Variants in SLC4A7 observed in about 807,000 individuals in gnomAD.
SLC4A7 encodes the protein sodium bicarbonate cotransporter 3.
Under a neutral mutation model 137.6 loss-of-function variants are expected in SLC4A7, and 51 were observed. That is an observed-to-expected ratio of 0.37 (90% CI 0.30 to 0.47). The LOEUF is 0.47. SLC4A7 is among the 20% of genes least tolerant of loss of function. The pLI, the probability that SLC4A7 is intolerant of heterozygous loss-of-function variation, is 1.00. For synonymous variants in SLC4A7, 542 were observed against 518.6 expected (o/e 1.05, Z -0.61); for missense variants, 1,247 against 1,525.4 (o/e 0.82, Z 3.04).
chr3:27,424,272 A>G, intron 7 of SLC4A7, 120 bp from the exon 8 acceptor site: 1 of 530,690 alleles, frequency 1.9e-6, no homozygotes, highest in Non-Finnish European at 3.3e-6. Context: ...CAAGGTTAAA[A>G]AAAATAAGTG....
chr3:27,432,115 T>C (rs1219123919), intron 6 of SLC4A7, among the ~76,000 whole-genome samples: 1 of 152,146 alleles, frequency 6.6e-6, no homozygotes, highest in Non-Finnish European at 1.5e-5. Flanking sequence ...CTACAGACAA[T>C]TATCTCTTAG....
intron 1 of SLC4A7, chr3:27,457,126 C>T (rs368527647): frequency 5.8e-6 from 1 of 171,410 alleles, no homozygotes; most frequent in Non-Finnish European, 1.2e-5. Flanking sequence ...CCTCTAACTA[C>T]TGGACTTGGG....
intron 13 of SLC4A7, among the ~76,000 whole-genome samples, chr3:27,406,473 A>C (rs993663304): frequency 2.7e-4 from 41 of 152,344 alleles, no homozygotes; most frequent in Non-Finnish European, 1.6e-4. Context: ...ATAAAGGAGA[A>C]GTGTCCGTGT....
chr3:27,429,809 A>G (rs2056079581), intron 7 of SLC4A7, among the ~76,000 whole-genome samples: 1 of 152,052 alleles, frequency 6.6e-6, no homozygotes, highest in Admixed American at 6.5e-5. Context: ...AGATGGCGCC[A>G]CTGCGCTCCA....
At chr3:27,389,101 A>T (rs1005736746) in intron 22 of SLC4A7, among the ~76,000 whole-genome samples, 10 of 151,702 alleles carry the variant, frequency 6.6e-5, no homozygotes, top group East Asian at 1.9e-4. Flanking sequence ...TGATTTTTTT[A>T]AAAAAAACAA....
chr3:27,391,748 CT>C lies in SLC4A7; in HGVS notation c.3177del (p.Gly1060GlufsTer8). ...AAATACTTAAAACTTGCCTGGATTC[CT>C]TTTAATGAGGAAACTCCCATATAAA... ...VFLYMGVSSL[K>X]GIQLFDRIKL... On this transcript the variant is annotated frameshift_variant, in exon 21 of 26. Coordinates refer to ENST00000454389, the MANE Select transcript of SLC4A7 (RefSeq NM_001321103.2). LOFTEE classifies it high-confidence loss of function. The C allele has an allele frequency of 6.4e-7, 1 of 1,572,538 alleles. No individual in the cohort carries two copies. The highest frequency in any genetic ancestry group is 8.7e-7 in the Non-Finnish European group (1 of 1,148,952).
intron 1 of SLC4A7, among the ~76,000 whole-genome samples, chr3:27,463,003 C>G (rs2058777390): frequency 6.6e-6 from 1 of 152,216 alleles, no homozygotes; most frequent in Non-Finnish European, 1.5e-5. Flanking sequence ...ATTAAGAAAG[C>G]AGGGACTGGG....
rs370977929 is a variant in SLC4A7 at position 27,431,198 on chromosome 3, T to C, written c.1150+100A>G. The stretch of plus-strand genomic sequence containing the variant: ...CAGAAGTCAAAATAAATTATAAGCA[T>C]TATCTACATATGCTGCTTAAGCTAT... On this transcript the variant is annotated intron_variant, in intron 7 of 25. Coordinates refer to ENST00000454389, the MANE Select transcript of SLC4A7 (RefSeq NM_001321103.2). 207 of 1,168,960 alleles carry C rather than the reference T, an allele frequency of 1.8e-4. 5 individuals carry two copies. The South Asian group carries it at 4.3e-3, about 25-fold the overall frequency. 72.4% of individuals were successfully genotyped at this position (1,168,960 alleles called of 1,614,324 possible). A position where few individuals can be genotyped will look rare whatever the true frequency, so the allele number is the denominator to read the frequency against.
In SLC4A7 at chr3:27,437,532, C is replaced by A. The variant is rs1462655384; in HGVS notation, c.290-6G>T. 1 of 1,522,640 alleles carries A rather than the reference C, an allele frequency of 6.6e-7. No individual in the cohort carries two copies. The allele number at this position is 1,522,640 out of a possible 1,614,324, so 94.3% of individuals were successfully genotyped here. On this transcript the variant is annotated splice_region_variant and splice_polypyrimidine_tract_variant and intron_variant, in intron 3 of 25. Coordinates refer to ENST00000454389, the MANE Select transcript of SLC4A7 (RefSeq NM_001321103.2). The stretch of plus-strand genomic sequence containing the variant: ...AACTCTCTGGGATGGTGTATCTTTA[C>A]AAAATAAGAATTTACATATACTCAA...
chr3:27,436,317 T>C, intron 5 of SLC4A7, 71 bp downstream of exon 5: 1 of 1,154,832 alleles, frequency 8.7e-7, no homozygotes, highest in South Asian at 1.4e-5. Flanking sequence ...AAGCTCAGCA[T>C]ATAGTTGTTA....
intron 1 of SLC4A7, among the ~76,000 whole-genome samples, chr3:27,458,045 C>G (rs1483340936): frequency 6.6e-6 from 1 of 152,090 alleles, no homozygotes; most frequent in Non-Finnish European, 1.5e-5. Flanking sequence ...TAGTTGAGTT[C>G]ACAATTCAGG....
intron 3 of SLC4A7, 43 bp from the exon 4 acceptor site, chr3:27,437,569 A>C (rs750111914): frequency 1.5e-6 from 2 of 1,324,432 alleles, no homozygotes; most frequent in Admixed American, 5.4e-5. Flanking sequence ...TTTTTCCTCA[A>C]GTCATTCAAA....
At chr3:27,405,875 T>C (rs1049458499) in intron 13 of SLC4A7, among the ~76,000 whole-genome samples, 9 of 152,218 alleles carry the variant, frequency 5.9e-5, no homozygotes, top group Non-Finnish European at 1.3e-4. Flanking sequence ...AACGTTAGTA[T>C]ACTAATTTTG....
rs954620518 is a variant in SLC4A7, at chr3:27,374,172, T to C, written c.*2592A>G. Reference sequence around the variant, plus strand: ...TTACTACAGACTTTGTAAACAGATATCTATAAATAAATAAACTAGGGTGGA... The same window carrying C: ...TTACTACAGACTTTGTAAACAGATACCTATAAATAAATAAACTAGGGTGGA... On this transcript the variant is annotated 3_prime_UTR_variant, in exon 26 of 26. Transcript: ENST00000454389. 5 of 152,644 alleles carry C rather than the reference T, an allele frequency of 3.3e-5. No individual in the cohort carries two copies. Among genetic ancestry groups the C allele is most frequent in the Non-Finnish European group, 7.4e-5 (5 of 67,930 alleles). The allele number at this position is 152,644 out of a possible 1,614,324, so 9.5% of individuals were successfully genotyped here. A position where few individuals can be genotyped will look rare whatever the true frequency, so the allele number is the denominator to read the frequency against.
rs553054023 is a variant in SLC4A7 at position 27,467,802 on chromosome 3, G to A, written c.61-15304C>T. ...AACCATGGAATTTTTCTCTCATGCT[G>A]TGATTATGGTTAAGAGAATGACTCT... On this transcript the variant is annotated intron_variant, in intron 1 of 25. Transcript: ENST00000454389. 1.7e-4 allele frequency among the ~76,000 whole-genome samples: 26 copies of A among 152,224 alleles called. No homozygotes were observed. The South Asian group carries it at 5.2e-3, about 30-fold the overall frequency.
At chr3:27,478,106 G>A (rs759118334) in intron 1 of SLC4A7, among the ~76,000 whole-genome samples, 1 of 152,106 alleles carries the variant, frequency 6.6e-6, no homozygotes, top group Non-Finnish European at 1.5e-5. Context: ...GGAATCCAGA[G>A]AGAGGGAGAA....
intron 1 of SLC4A7, among the ~76,000 whole-genome samples, chr3:27,463,206 T>A (rs1439407928): frequency 1.3e-5 from 2 of 152,302 alleles, no homozygotes; most frequent in Non-Finnish European, 2.9e-5. Context: ...GGAGGGCGGA[T>A]GACGAGGTCA....
intron 22 of SLC4A7, among the ~76,000 whole-genome samples, chr3:27,387,017 T>C (rs539429461): frequency 7.6e-4 from 115 of 152,316 alleles, no homozygotes; most frequent in African/African-American, 2.6e-3. Flanking sequence ...AAAATTCCAA[T>C]GTATTCAGAT....
At chr3:27,481,228 TAGCAAA>T (rs2059693216) in intron 1 of SLC4A7, among the ~76,000 whole-genome samples, 1 of 150,696 alleles carries the variant, frequency 6.6e-6, no homozygotes, top group African/African-American at 2.4e-5. Context: ...TGAGGCTTTA[TAGCAAA>T]AGCAAAAGAC....
Sources: allele counts gnomAD v4.1 joint callset (sites outside exome capture counted in the v4.1 genomes callset), GRCh38; gene constraint gnomAD v4.1.1; transcripts MANE v1.5; gene names NCBI Gene and HGNC (gene_info 2026-07-23, HGNC 2026-07-21).